The following CCHCR1 variants were observed in gnomAD, a reference collection of about 807,000 sequenced individuals.
CCHCR1 encodes HCR (a-helix coiled-coil rod homologue).
A neutral mutation model predicts 114.6 loss-of-function variants in CCHCR1; 91 were observed. The observed-to-expected ratio is 0.79, with a 90% CI of 0.67 to 0.94. CCHCR1 has a LOEUF of 0.94. Among genes scored for constraint, CCHCR1 ranks in the 40% least tolerant of loss-of-function variants. The pLI is 0.00. For synonymous variants in CCHCR1, 379 were observed against 428.5 expected (o/e 0.88, Z 1.43); for missense variants, 899 against 1,079.9 (o/e 0.83, Z 2.35).
At chr6:31,153,421 T>C (rs1775538478) in intron 4 of CCHCR1, among the ~76,000 whole-genome samples, 1 of 152,168 alleles carries the variant, frequency 6.6e-6, no homozygotes, top group African/African-American at 2.4e-5. Context: ...AATATAGCTT[T>C]TTTTTTTCTT....
rs1396425050 is a variant in CCHCR1, at chr6:31,157,693, T to A, written c.-93A>T. 5.0e-6 allele frequency: 5 copies of A among 998,642 alleles called. No homozygotes were observed. Among genetic ancestry groups the A allele is most frequent in the Non-Finnish European group, 7.4e-6 (5 of 677,954 alleles). 61.9% of individuals were successfully genotyped at this position (998,642 alleles called of 1,614,324 possible). On this transcript the variant is annotated 5_prime_UTR_variant, in exon 1 of 18. Transcript: ENST00000396268. Reference sequence around the variant, plus strand: ...CGTCCTGACATCTTATTCAAATCTTTCCTGCGGCTGTTCTCTCAGCTTCTC... The same window carrying A: ...CGTCCTGACATCTTATTCAAATCTTACCTGCGGCTGTTCTCTCAGCTTCTC...
rs1327287898 is a variant in CCHCR1, at chr6:31,150,789, AC to A, written c.1036del (p.Val346CysfsTer56). 6.2e-7 allele frequency: 1 copy of A among 1,612,832 alleles called. No individual in the cohort carries two copies. Among genetic ancestry groups the A allele is most frequent in the African/African-American group, 1.3e-5 (1 of 74,884 alleles). On this transcript the variant is annotated frameshift_variant, in exon 6 of 18. Coordinates refer to ENST00000396268, the MANE Select transcript of CCHCR1 (RefSeq NM_001105564.2). LOFTEE classifies it high-confidence loss of function. This position sits in a 1 kb window ranked among gnomAD's most constrained non-coding sequence, Gnocchi z 5.3. ...ENLRKYVGEQ[V>X]PSEVHSQTWE... ...TGTCTGGCTGTGGACCTCAGAAGGC[AC>A]TTGTTCCCCAACATATTTTCTTAGA...
At chr6:31,145,914 T>A in intron 10 of CCHCR1, 106 bp from the exon 11 acceptor site, 1 of 678,764 alleles carries the variant, frequency 1.5e-6, no homozygotes, top group Non-Finnish European at 2.6e-6. Flanking sequence ...ATTATACAAG[T>A]ACAGAACGCA....
intron 3 of CCHCR1, among the ~76,000 whole-genome samples, chr6:31,155,712 G>A (rs558654741): frequency 3.9e-4 from 59 of 152,170 alleles, no homozygotes; most frequent in African/African-American, 1.4e-3. Context: ...CCAATGTCAC[G>A]TGAAGTTTAA....
Position 31,150,896 on chromosome 6 carries a change from G to T in CCHCR1, c.966-36C>A, listed in dbSNP as rs1485320061. The T allele has an allele frequency of 4.3e-6, 7 of 1,611,452 alleles. No homozygotes were observed. The highest frequency in any genetic ancestry group is 5.9e-6 in the Non-Finnish European group (7 of 1,179,236). On this transcript the variant is annotated intron_variant, in intron 5 of 17. Transcript: ENST00000396268. The surrounding 1 kb of genome is among the most constrained non-coding windows in gnomAD (Gnocchi z 5.3). ...GGTGGGAATGGGACAGCCATCAGTG[G>T]GGCGCCCTGCAGATCCACCACATCA...
chr6:31,143,270 G>A lies in CCHCR1; in HGVS notation c.2311C>T (p.Leu771Phe), dbSNP rs1394202477. 6.2e-7 allele frequency: 1 copy of A among 1,612,544 alleles called. No individual in the cohort carries two copies. The highest frequency in any genetic ancestry group is 1.3e-5 in the African/African-American group (1 of 74,928). Residue 771 changes from leucine (L) to phenylalanine (F), a missense_variant, in exon 16 of 18, where the codon CTC (leucine) becomes TTC (phenylalanine). Physicochemically the swap from Leu to Phe is conservative, Grantham distance 22. Transcript: ENST00000396268. This position sits in a 1 kb window ranked among gnomAD's most constrained non-coding sequence, Gnocchi z 5.3. ...GCCCTCCTGTCTCCTACCAGCATGA[G>A]GTTCTTATCCCTCTCTAGCTCCTGC... ...RLQELERDKNLMLATLQQEGL... is the reference protein window; with the variant it reads ...RLQELERDKNFMLATLQQEGL...
chr6:31,157,873 A>C, upstream of CCHCR1: 1 of 517,776 alleles, frequency 1.9e-6, no homozygotes. Context: ...CCCTTTTTAC[A>C]ACCTAATCTA....
At chr6:31,145,908 T>C in intron 10 of CCHCR1, 100 bp from the exon 11 acceptor site, 1 of 714,986 alleles carries the variant, frequency 1.4e-6, no homozygotes, top group Non-Finnish European at 2.5e-6. Context: ...TGTCCCATTA[T>C]ACAAGTACAG....
chr6:31,148,345 G>A, intron 10 of CCHCR1, 60 bp downstream of exon 10: 1 of 1,075,776 alleles, frequency 9.3e-7, no homozygotes, highest in Non-Finnish European at 1.4e-6. Flanking sequence ...TCAGCAACAA[G>A]GTGCCCAGGA....
rs1775776559 is a variant in CCHCR1, at chr6:31,154,951, G to A, written c.498-152C>T. 1.5e-6 allele frequency: 1 copy of A among 660,166 alleles called. No individual in the cohort carries two copies. The highest frequency in any genetic ancestry group is 1.8e-5 in the African/African-American group (1 of 55,064). 40.9% of individuals were successfully genotyped at this position (660,166 alleles called of 1,614,324 possible). ...CTGAAGCTGGGGTATGGGGATGTCT[G>A]CATTGACATCATCATCATTCATCAA... On this transcript the variant is annotated intron_variant, in intron 3 of 17. Transcript: ENST00000396268. The surrounding 1 kb of genome is among the most constrained non-coding windows in gnomAD (Gnocchi z 4.1).
At position 31,143,419 on chromosome 6, in the gene CCHCR1, GA is replaced by G. The variant is rs371850031; in HGVS notation, c.2168-7del. The stretch of plus-strand genomic sequence containing the variant: ...AATCTGGCGTAAGGAGACCACTACA[GA>G]GAGGCCAAGGCACAGAGGAGGCAGG... On this transcript the variant is annotated splice_polypyrimidine_tract_variant and splice_region_variant and intron_variant, in intron 15 of 17. Coordinates refer to ENST00000396268, the MANE Select transcript of CCHCR1 (RefSeq NM_001105564.2). This position sits in a 1 kb window ranked among gnomAD's most constrained non-coding sequence, Gnocchi z 5.3. 87 of 1,612,676 alleles carry G rather than the reference GA, an allele frequency of 5.4e-5. No individual in the cohort carries two copies. The African/African-American group carries it at 1.0e-3, about 19-fold the overall frequency.
At chr6:31,145,640 G>C in intron 11 of CCHCR1, 56 bp downstream of exon 11, 1 of 1,480,200 alleles carries the variant, frequency 6.8e-7, no homozygotes, top group Admixed American at 1.7e-5. Flanking sequence ...TCAGGAAGAA[G>C]AAAGTCCGAG....
At chr6:31,146,774 T>C (rs1443052340) in intron 10 of CCHCR1, among the ~76,000 whole-genome samples, 1 of 152,148 alleles carries the variant, frequency 6.6e-6, no homozygotes, top group Non-Finnish European at 1.5e-5. Context: ...AATGCATCAT[T>C]ACACAGACCA....
In CCHCR1 at chr6:31,143,012, T is replaced by C. The variant is rs1265084; in HGVS notation, c.2442A>G (p.Ser814=). 28,040 of 1,613,016 alleles carry C rather than the reference T, an allele frequency of 0.017. 516 individuals are homozygous for C. Among genetic ancestry groups the C allele is most frequent in the Admixed American group, 0.041 (2,439 of 60,012 alleles). ...CTGCTGCTGCTACAGGTGCAGATGC[T>C]GAACACTCTGGAGGCCTGGGGCTGG... is the stretch of plus-strand genomic sequence containing the variant. ...VVSSPRPPEC[S]ASAPVAAAVP... The change falls in exon 17 of 18, where the codon TCA becomes TCG. Residue 814 remains serine (S), a synonymous_variant. Coordinates refer to ENST00000396268, the MANE Select transcript of CCHCR1 (RefSeq NM_001105564.2). This position sits in a 1 kb window ranked among gnomAD's most constrained non-coding sequence, Gnocchi z 5.3.
At chr6:31,146,409 C>T (rs185940620) in intron 10 of CCHCR1, among the ~76,000 whole-genome samples, 65 of 152,250 alleles carry the variant, frequency 4.3e-4, no homozygotes, top group Admixed American at 3.8e-3. Context: ...GCACCAATGA[C>T]GGGCAGGTCC....
In CCHCR1 at chr6:31,151,181, T is replaced by C; in HGVS notation, c.802-59A>G. On this transcript the variant is annotated intron_variant, in intron 4 of 17. Coordinates refer to ENST00000396268, the MANE Select transcript of CCHCR1 (RefSeq NM_001105564.2). The surrounding 1 kb of genome is among the most constrained non-coding windows in gnomAD (Gnocchi z 4.1). ...GACCCCACATGGAGGCCTTCCTTGT[T>C]CCCTTCACTCCCACTTTCTGTGACC... The C allele has an allele frequency of 6.6e-7, 1 of 1,520,440 alleles. No homozygotes were observed. Among genetic ancestry groups the C allele is most frequent in the Non-Finnish European group, 8.9e-7 (1 of 1,126,024 alleles). The allele number at this position is 1,520,440 out of a possible 1,614,324, so 94.2% of individuals were successfully genotyped here. A position where few individuals can be genotyped will look rare whatever the true frequency, so the allele number is the denominator to read the frequency against.
At position 31,151,820 on chromosome 6, in the gene CCHCR1, G is replaced by T. The variant is rs1419035504; in HGVS notation, c.802-698C>A. ...CTCATGGCACCTCAAAGGGTTGCAG[G>T]GGTGTCAGAGCCACCAAGAGTCATG... On this transcript the variant is annotated intron_variant, in intron 4 of 17. Coordinates refer to ENST00000396268, the MANE Select transcript of CCHCR1 (RefSeq NM_001105564.2). This position sits in a 1 kb window ranked among gnomAD's most constrained non-coding sequence, Gnocchi z 4.1. 6.6e-6 allele frequency among the ~76,000 whole-genome samples: 1 copy of T among 152,154 alleles called. No individual in the cohort carries two copies. The highest frequency in any genetic ancestry group is 2.4e-5 in the African/African-American group (1 of 41,432).
At position 31,143,417 on chromosome 6, in the gene CCHCR1, C is replaced by A. The variant is rs2150990547; in HGVS notation, c.2168-4G>T. 6.2e-7 allele frequency: 1 copy of A among 1,612,690 alleles called. No homozygotes were observed. Among genetic ancestry groups the A allele is most frequent in the East Asian group, 2.2e-5 (1 of 44,870 alleles). On this transcript the variant is annotated splice_polypyrimidine_tract_variant and splice_region_variant and intron_variant, in intron 15 of 17. Coordinates refer to ENST00000396268, the MANE Select transcript of CCHCR1 (RefSeq NM_001105564.2). The surrounding 1 kb of genome is among the most constrained non-coding windows in gnomAD (Gnocchi z 5.3). ...TGAATCTGGCGTAAGGAGACCACTA[C>A]AGAGAGGCCAAGGCACAGAGGAGGC...
chr6:31,155,118 C>G (rs1048150363), intron 3 of CCHCR1, among the ~76,000 whole-genome samples: 2 of 152,010 alleles, frequency 1.3e-5, no homozygotes, highest in African/African-American at 2.4e-5. Flanking sequence ...GCCACACATT[C>G]TTTTTGTTTT....
Sources: gnomAD v4.1 joint callset for allele counts (sites outside exome capture counted in the v4.1 genomes callset) on GRCh38, gnomAD v4.1.1 for gene constraint, Gnocchi (gnomAD v3.1) non-coding constraint, MANE v1.5 for transcripts, NCBI Gene and HGNC (gene_info 2026-07-23, HGNC 2026-07-21) for gene names.